Variants in UBTD1 observed in about 807,000 individuals in gnomAD.
UBTD1 encodes the protein ubiquitin domain containing 1, also known as ubiquitin domain-containing protein 1.
Under a neutral mutation model 21.7 loss-of-function variants are expected in UBTD1, and 19 were observed. The observed-to-expected ratio is 0.87, with a 90% CI of 0.61 to 1.28. The LOEUF is 1.28. Ranked by LOEUF, UBTD1 falls within the 50% of genes most tolerant of loss-of-function variation. The pLI is 0.00. For missense variants in UBTD1, 282 were observed against 315.1 expected, an observed-to-expected ratio of 0.89 and a Z score of 0.80; for synonymous variants, 116 against 135.1, an observed-to-expected ratio of 0.86 and a Z score of 0.98.
intron 1 of UBTD1, among the ~76,000 whole-genome samples, chr10:97,503,411 C>T (rs1364859539): frequency 6.6e-6 from 1 of 152,214 alleles, no homozygotes; most frequent in Non-Finnish European, 1.5e-5. Context: ...GAAGCAGCCT[C>T]TCCCCCAGCC....
intron 1 of UBTD1, among the ~76,000 whole-genome samples, chr10:97,558,449 C>G (rs929829993): frequency 2.0e-5 from 3 of 152,188 alleles, no homozygotes; most frequent in Non-Finnish European, 2.9e-5. Flanking sequence ...AGGGCCGTTG[C>G]TACCAGGGCC....
rs2040737913 is a variant in UBTD1, at chr10:97,570,111, ACT to A, written c.299-24_299-23del. 2 of 1,577,522 alleles carry A rather than the reference ACT, an allele frequency of 1.3e-6. No individual in the cohort carries two copies. The highest frequency in any genetic ancestry group is 1.7e-6 in the Non-Finnish European group (2 of 1,158,058). On this transcript the variant is annotated intron_variant, in intron 2 of 2. Transcript: ENST00000370664. This position sits in a 1 kb window ranked among gnomAD's most constrained non-coding sequence, Gnocchi z 6.6. The stretch of plus-strand genomic sequence containing the variant: ...TCCATGATAGTGGATCCCCAAGCTG[ACT>A]CTGACAGCCCTGCCTCTCCTACAGG...
chr10:97,518,591 C>G (rs1418119638), intron 1 of UBTD1, among the ~76,000 whole-genome samples: 1 of 152,226 alleles, frequency 6.6e-6, no homozygotes, highest in Admixed American at 6.5e-5. Context: ...CAGATTTTGT[C>G]TTCTCCTGCC....
intron 1 of UBTD1, among the ~76,000 whole-genome samples, chr10:97,553,331 C>T (rs996418484): frequency 6.6e-6 from 1 of 152,146 alleles, no homozygotes; most frequent in African/African-American, 2.4e-5. Context: ...GAGGTTTCAC[C>T]ATGTTGGTCA....
chr10:97,527,255 C>T lies in UBTD1; in HGVS notation c.70+27982C>T, dbSNP rs547655586. Among the ~76,000 whole-genome samples the T allele has an allele frequency of 1.4e-4, 21 of 144,980 alleles. No homozygotes were observed. In the East Asian group the frequency reaches 3.8e-3, roughly 26 times the overall value. On this transcript the variant is annotated intron_variant, in intron 1 of 2. Transcript: ENST00000370664. Reference sequence around the variant, plus strand: ...AATCCCATATGCGTTGGGAGGCCAACGCAGGAGGATCACTTGAGTCCAGGA... The same window carrying T: ...AATCCCATATGCGTTGGGAGGCCAATGCAGGAGGATCACTTGAGTCCAGGA...
Position 97,568,085 on chromosome 10 carries a change from A to G in UBTD1, c.242A>G (p.Asn81Ser). The G allele has an allele frequency of 6.2e-7, 1 of 1,613,850 alleles. No individual in the cohort carries two copies. Among genetic ancestry groups the G allele is most frequent in the African/African-American group, 1.3e-5 (1 of 75,054 alleles). ...LKAAAYAAEA[N>S]DHELAQAILD... ...GCTGCCGCCTATGCTGCTGAAGCCA[A>G]CGACCACGAGCTGGCCCAGGCCATC... is the stretch of plus-strand genomic sequence containing the variant. The change falls in exon 2 of 3, where the codon AAC becomes AGC. Residue 81 changes from asparagine (N) to serine (S), a missense_variant. Transcript: ENST00000370664.
At chr10:97,569,975 G>A (rs1168611376) in intron 2 of UBTD1, among the ~76,000 whole-genome samples, 163 bp from the exon 3 acceptor site, 3 of 151,738 alleles carry the variant, frequency 2.0e-5, no homozygotes, top group Admixed American at 6.6e-5. Context: ...AGGGCCCCAC[G>A]CTATGACCTC....
chr10:97,516,351 G>A (rs946987), intron 1 of UBTD1, among the ~76,000 whole-genome samples: 113,601 of 152,076 alleles, frequency 0.75, 44,467 homozygotes, highest in East Asian at 0.91. Context: ...ACATGTCGGC[G>A]TGTTCCATGG....
At chr10:97,540,980 G>T (rs575523175) in intron 1 of UBTD1, among the ~76,000 whole-genome samples, 1 of 152,188 alleles carries the variant, frequency 6.6e-6, no homozygotes, top group African/African-American at 2.4e-5. Flanking sequence ...TCAGCTGCGT[G>T]TGTGTCCACT....
chr10:97,557,013 TAGAACCCAAA>T lies in UBTD1; in HGVS notation c.71-10899_71-10890del, dbSNP rs1411015610. On this transcript the variant is annotated intron_variant, in intron 1 of 2. Transcript: ENST00000370664. ...AATACTGTCCAATAATTGAGACTTT[TAGAACCCAAA>T]AATTGTCAGGGTGGTTCTTTGGGGC... is the stretch of plus-strand genomic sequence containing the variant. 2.6e-5 allele frequency among the ~76,000 whole-genome samples: 4 copies of T among 152,340 alleles called. No individual in the cohort carries two copies. The East Asian group carries it at 5.8e-4, about 22-fold the overall frequency.
chr10:97,511,744 A>C (rs1055657008), intron 1 of UBTD1, among the ~76,000 whole-genome samples: 3 of 152,052 alleles, frequency 2.0e-5, no homozygotes, highest in Admixed American at 6.5e-5. Context: ...CTAAGCCTTC[A>C]CAGCAGCTCC....
chr10:97,570,769 T>C lies in UBTD1; in HGVS notation c.*246T>C. 2.0e-6 allele frequency: 1 copy of C among 497,370 alleles called. No individual in the cohort carries two copies. Among genetic ancestry groups the C allele is most frequent in the South Asian group, 3.5e-5 (1 of 28,488 alleles). 30.8% of individuals were successfully genotyped at this position (497,370 alleles called of 1,614,324 possible). On this transcript the variant is annotated 3_prime_UTR_variant, in exon 3 of 3. Coordinates refer to ENST00000370664, the MANE Select transcript of UBTD1 (RefSeq NM_024954.5). This position sits in a 1 kb window ranked among gnomAD's most constrained non-coding sequence, Gnocchi z 6.6. ...AGGCGAACAGGGCCCTCACCCTGCC[T>C]GTCTCCCGAAGCAGGTTCGAGCCAC...
chr10:97,552,151 CAGG>C (rs1400140666), intron 1 of UBTD1, among the ~76,000 whole-genome samples: 2 of 151,204 alleles, frequency 1.3e-5, no homozygotes, highest in Non-Finnish European at 2.9e-5. Context: ...CACTTGAAGA[CAGG>C]AGGAGTTTGA....
intron 1 of UBTD1, among the ~76,000 whole-genome samples, chr10:97,555,892 C>T (rs2040661907): frequency 1.3e-5 from 2 of 152,168 alleles, no homozygotes; most frequent in African/African-American, 4.8e-5. Context: ...AAAATGGGTA[C>T]TGAGTATAAA....
intron 1 of UBTD1, among the ~76,000 whole-genome samples, chr10:97,538,293 A>T (rs1314383703): frequency 6.6e-6 from 1 of 152,128 alleles, no homozygotes; most frequent in Non-Finnish European, 1.5e-5. Context: ...GGGGTTTAAG[A>T]CCAACCTGGG....
chr10:97,564,301 GTTCAAATGGACTGTACC>G (rs947648587), intron 1 of UBTD1, among the ~76,000 whole-genome samples: 11 of 152,312 alleles, frequency 7.2e-5, no homozygotes, highest in Non-Finnish European at 1.3e-4. Context: ...CCATATAAAA[GTTCAAATGGACTGTACC>G]TTCAAATGGA....
At chr10:97,533,152 C>T (rs374546711) in intron 1 of UBTD1, among the ~76,000 whole-genome samples, 2 of 152,346 alleles carry the variant, frequency 1.3e-5, no homozygotes, top group East Asian at 3.9e-4. Flanking sequence ...AGTTCTTGAC[C>T]TCCAGCTGAG....
intron 1 of UBTD1, among the ~76,000 whole-genome samples, chr10:97,527,453 A>ATTTATTTT (rs1157610469): frequency 6.6e-6 from 1 of 150,872 alleles, no homozygotes; most frequent in Non-Finnish European, 1.5e-5. Context: ...TTTTTTATTT[A>ATTTATTTT]TTTATTTATT....
At chr10:97,537,369 G>A (rs896908514) in intron 1 of UBTD1, among the ~76,000 whole-genome samples, 2 of 152,154 alleles carry the variant, frequency 1.3e-5, no homozygotes, top group African/African-American at 4.8e-5. Context: ...CCCAGGCCAA[G>A]CCCATTAGCA....
Sources: gnomAD v4.1 joint callset for allele counts (sites outside exome capture counted in the v4.1 genomes callset) on GRCh38, gnomAD v4.1.1 for gene constraint, Gnocchi (gnomAD v3.1) non-coding constraint, MANE v1.5 for transcripts, NCBI Gene and HGNC (gene_info 2026-07-23, HGNC 2026-07-21) for gene names.